Variants in CPA6 observed in about 807,000 individuals in gnomAD.
CPA6 encodes the protein carboxypeptidase A6, also known as carboxypeptidase B.
Under a neutral mutation model 63.3 loss-of-function variants are expected in CPA6, and 58 were observed. The observed-to-expected ratio is 0.92, with a 90% CI of 0.74 to 1.14. The LOEUF is 1.14. Ranked by LOEUF, CPA6 falls within the 50% of genes most tolerant of loss-of-function variation. The probability of loss-of-function intolerance (pLI) is 0.00; values close to 1 mark genes in which losing one functional copy is unlikely to be tolerated. For synonymous variants in CPA6, 185 were observed against 179.0 expected (o/e 1.03, Z -0.27); for missense variants, 565 against 526.6 (o/e 1.07, Z -0.71).
chr8:67,660,631 C>T (rs1247842189), intron 1 of CPA6, among the ~76,000 whole-genome samples: 1 of 151,296 alleles, frequency 6.6e-6, no homozygotes, highest in Non-Finnish European at 1.5e-5. Flanking sequence ...GAACGAACCT[C>T]TATGCCCGGC....
At chr8:67,505,944 A>G (rs533632065) in intron 6 of CPA6, among the ~76,000 whole-genome samples, 1 of 152,162 alleles carries the variant, frequency 6.6e-6, no homozygotes, top group South Asian at 2.1e-4. Context: ...TTGTAGAGTT[A>G]TTTTGTGGCT....
intron 9 of CPA6, among the ~76,000 whole-genome samples, chr8:67,431,712 T>C (rs1810031772): frequency 6.6e-6 from 1 of 151,892 alleles, no homozygotes; most frequent in Non-Finnish European, 1.5e-5. Flanking sequence ...AAACAAAGTA[T>C]ATTTGACCTG....
intron 8 of CPA6, among the ~76,000 whole-genome samples, chr8:67,442,441 G>A (rs1215221155): frequency 1.3e-5 from 2 of 152,158 alleles, no homozygotes; most frequent in Admixed American, 1.3e-4. Context: ...TCCTGTGTGA[G>A]TGTTCAGGAA....
In CPA6 at chr8:67,540,390, A is replaced by G. The variant is rs979478821; in HGVS notation, c.193-22343T>C. On this transcript the variant is annotated intron_variant, in intron 2 of 10. Transcript: ENST00000297770. ...CCTTCCTCTGGAAGCTTCATTCTAGAGGAGCACCTGCCAGATGCCAGCCAG... is the reference window on the plus strand; with the variant it reads ...CCTTCCTCTGGAAGCTTCATTCTAGGGGAGCACCTGCCAGATGCCAGCCAG... Among the ~76,000 whole-genome samples the G allele has an allele frequency of 1.6e-4, 24 of 152,066 alleles. 2 individuals carry two copies. Among genetic ancestry groups the G allele is most frequent in the Admixed American group, 1.2e-3 (18 of 15,270 alleles).
intron 2 of CPA6, among the ~76,000 whole-genome samples, chr8:67,518,765 C>G (rs1025637089): frequency 6.6e-6 from 1 of 152,028 alleles, no homozygotes; most frequent in Non-Finnish European, 1.5e-5. Context: ...CCCTTCTTGG[C>G]CTCCTGAAGT....
intron 2 of CPA6, among the ~76,000 whole-genome samples, chr8:67,567,581 CTAGAACTATTCA>C (rs1813370728): frequency 1.3e-5 from 2 of 152,170 alleles, no homozygotes; most frequent in Admixed American, 1.3e-4. Context: ...GGAAAATCAA[CTAGAACTATTCA>C]TAGACAAAAA....
At chr8:67,641,927 G>C (rs1815600790) in intron 1 of CPA6, among the ~76,000 whole-genome samples, 2 of 152,060 alleles carry the variant, frequency 1.3e-5, no homozygotes, top group African/African-American at 4.8e-5. Context: ...AACATACAGA[G>C]ATTACATACA....
At position 67,424,037 on chromosome 8, in the gene CPA6, G is replaced by A. The variant is rs539049652; in HGVS notation, c.1127-1346C>T. ...CAGTGGCAGCATTAGATTCTCATAG[G>A]AACATGAACCCTATCATGGACAGCA... On this transcript the variant is annotated intron_variant, in intron 10 of 10. Coordinates refer to ENST00000297770, the MANE Select transcript of CPA6 (RefSeq NM_020361.5). Among the ~76,000 whole-genome samples the A allele has an allele frequency of 2.7e-3, 418 of 152,204 alleles. 3 individuals carry two copies. Among genetic ancestry groups the A allele is most frequent in the Non-Finnish European group, 4.1e-3 (282 of 68,004 alleles).
intron 6 of CPA6, among the ~76,000 whole-genome samples, chr8:67,489,164 T>C (rs1039836476): frequency 2.0e-5 from 3 of 152,142 alleles, no homozygotes; most frequent in Middle Eastern, 6.8e-3. Flanking sequence ...CAGGCTGGTC[T>C]CAGACTCCAG....
In CPA6 at chr8:67,715,220, C is replaced by T. The variant is rs576836764; in HGVS notation, c.116+30794G>A. Among the ~76,000 whole-genome samples, 7 of 152,300 alleles carry T rather than the reference C, an allele frequency of 4.6e-5. No individual in the cohort carries two copies. The East Asian group carries it at 1.4e-3, about 29-fold the overall frequency. Reference sequence around the variant, plus strand: ...ACCCTGCCACAGGTTAAGGGCTCAGCCAGCCTCACAAGCCTGCCTCTACTT... The same window carrying T: ...ACCCTGCCACAGGTTAAGGGCTCAGTCAGCCTCACAAGCCTGCCTCTACTT... On this transcript the variant is annotated intron_variant, in intron 1 of 10. Coordinates refer to ENST00000297770, the MANE Select transcript of CPA6 (RefSeq NM_020361.5).
chr8:67,710,397 G>GCCC (rs1322760447), intron 1 of CPA6, among the ~76,000 whole-genome samples: 33 of 90,904 alleles, frequency 3.6e-4, no homozygotes, highest in African/African-American at 1.1e-3. Flanking sequence ...CAAATTTCCC[G>GCCC]CCCCCACCCC....
intron 10 of CPA6, among the ~76,000 whole-genome samples, chr8:67,422,952 A>G (rs533919128): frequency 6.6e-6 from 1 of 152,184 alleles, no homozygotes; most frequent in Non-Finnish European, 1.5e-5. Flanking sequence ...CTCAACCTCA[A>G]TTCCAAAAAC....
rs1357372519 is a variant in CPA6, at chr8:67,643,876, G to A, written c.117-19625C>T. 3.3e-5 allele frequency among the ~76,000 whole-genome samples: 5 copies of A among 152,248 alleles called. No homozygotes were observed. The East Asian group carries it at 9.7e-4, about 29-fold the overall frequency. On this transcript the variant is annotated intron_variant, in intron 1 of 10. Transcript: ENST00000297770. ...AGTAGGTCTGATAAGCATCCCAGGT[G>A]ATTCTGAGGTAGCGATGTCTATAGA...
chr8:67,617,513 T>C (rs965808508), intron 2 of CPA6, among the ~76,000 whole-genome samples: 1 of 152,188 alleles, frequency 6.6e-6, no homozygotes, highest in Non-Finnish European at 1.5e-5. Flanking sequence ...ACCCCAAACA[T>C]ACTGACAGGC....
At chr8:67,630,140 T>TAATAATAATAA in intron 1 of CPA6, among the ~76,000 whole-genome samples, 1 of 149,750 alleles carries the variant, frequency 6.7e-6, no homozygotes, top group African/African-American at 2.5e-5. Flanking sequence ...ATAATAATAA[T>TAATAATAATAA]TTGTATTCAT....
At chr8:67,708,498 C>G (rs969291078) in intron 1 of CPA6, among the ~76,000 whole-genome samples, 2 of 152,168 alleles carry the variant, frequency 1.3e-5, no homozygotes, top group African/African-American at 4.8e-5. Flanking sequence ...TCAGGAGAAA[C>G]AAGAGGGATG....
At chr8:67,483,523 T>G in intron 8 of CPA6, 1 of 543,794 alleles carries the variant, frequency 1.8e-6, no homozygotes, top group Non-Finnish European at 3.3e-6. Flanking sequence ...ACATATGTAT[T>G]TAAATTTTCA....
intron 10 of CPA6, among the ~76,000 whole-genome samples, chr8:67,424,015 T>C (rs1203973911): frequency 2.0e-5 from 3 of 152,170 alleles, no homozygotes; most frequent in Non-Finnish European, 4.4e-5. Flanking sequence ...GTCAGATCAG[T>C]GGCAGCATTA....
At chr8:67,618,538 A>T (rs977231467) in intron 2 of CPA6, among the ~76,000 whole-genome samples, 6 of 152,186 alleles carry the variant, frequency 3.9e-5, no homozygotes, top group African/African-American at 1.4e-4. Context: ...CCTAGCAAGT[A>T]TAGTTTTCCC....
Sources: allele counts gnomAD v4.1 joint callset (sites outside exome capture counted in the v4.1 genomes callset), GRCh38; gene constraint gnomAD v4.1.1; transcripts MANE v1.5; gene names NCBI Gene and HGNC (gene_info 2026-07-23, HGNC 2026-07-21).